The following RBFOX1 variants were observed in gnomAD, a reference collection of about 807,000 sequenced individuals.
RBFOX1 encodes RNA binding protein fox-1 homolog 1.
In RBFOX1, 8 loss-of-function variants were observed where a neutral mutation model predicts 57.7. That is an observed-to-expected ratio of 0.14 (90% CI 0.08 to 0.25). The LOEUF is 0.25. Ranked by LOEUF, RBFOX1 falls within the 10% of genes least tolerant of loss-of-function variation. The pLI is 1.00. For missense variants in RBFOX1, 611 were observed against 548.5 expected, an observed-to-expected ratio of 1.11 and a Z score of -1.14; for synonymous variants, 326 against 222.4, an observed-to-expected ratio of 1.47 and a Z score of -4.15.
chr16:7,293,727 C>T (rs139915254), intron 4 of RBFOX1, among the ~76,000 whole-genome samples: 3 of 152,230 alleles, frequency 2.0e-5, no homozygotes, highest in East Asian at 1.9e-4. Flanking sequence ...ACCCAATACC[C>T]GATACATCCC....
At chr16:7,549,607 G>T (rs1032680489) in intron 5 of RBFOX1, among the ~76,000 whole-genome samples, 1 of 152,170 alleles carries the variant, frequency 6.6e-6, no homozygotes, top group Non-Finnish European at 1.5e-5. Flanking sequence ...GTGGTTGAAG[G>T]TCCAAGAGTC....
chr16:6,085,787 C>T (rs1384284035), intron 1 of RBFOX1, among the ~76,000 whole-genome samples: 2 of 152,216 alleles, frequency 1.3e-5, no homozygotes, highest in African/African-American at 2.4e-5. Flanking sequence ...TTTTTCCGAA[C>T]TCCATCTTAT....
intron 1 of RBFOX1, among the ~76,000 whole-genome samples, chr16:5,400,631 A>T (rs776534876): frequency 1.1e-4 from 16 of 152,012 alleles, no homozygotes; most frequent in African/African-American, 3.1e-4. Flanking sequence ...TGCCTGGGCC[A>T]TAGTTTAATT....
chr16:7,061,866 G>A (rs966222678), intron 4 of RBFOX1, among the ~76,000 whole-genome samples: 2 of 152,120 alleles, frequency 1.3e-5, no homozygotes, highest in Admixed American at 6.5e-5. Context: ...AAAAAAATAC[G>A]TGATAGGCAA....
At chr16:5,497,948 G>A (rs2043057810) in intron 2 of RBFOX1, among the ~76,000 whole-genome samples, 1 of 152,106 alleles carries the variant, frequency 6.6e-6, no homozygotes, top group Non-Finnish European at 1.5e-5. Flanking sequence ...GCCATGGAGA[G>A]ATGGGGGAAA....
intron 4 of RBFOX1, among the ~76,000 whole-genome samples, chr16:7,506,823 A>G (rs1327341138): frequency 6.6e-6 from 1 of 151,996 alleles, no homozygotes; most frequent in Non-Finnish European, 1.5e-5. Context: ...AGGTACCATA[A>G]TGAGTTTAGT....
intron 1 of RBFOX1, among the ~76,000 whole-genome samples, chr16:6,067,172 A>T (rs1162413400): frequency 6.6e-6 from 1 of 152,208 alleles, no homozygotes; most frequent in African/African-American, 2.4e-5. Context: ...CTGTAAGAAG[A>T]CATTAAAAAT....
chr16:6,532,819 T>C (rs553964333), intron 2 of RBFOX1, among the ~76,000 whole-genome samples: 1 of 152,246 alleles, frequency 6.6e-6, no homozygotes, highest in South Asian at 2.1e-4. Context: ...CATGTACACA[T>C]TGTGGAATGT....
intron 3 of RBFOX1, among the ~76,000 whole-genome samples, chr16:6,912,623 TA>T (rs1324547849): frequency 3.0e-5 from 2 of 66,122 alleles, no homozygotes; most frequent in Non-Finnish European, 6.2e-5. Flanking sequence ...GTGTTATTAC[TA>T]TTTTTTTTTT....
At chr16:6,086,469 C>A (rs2096085872) in intron 1 of RBFOX1, among the ~76,000 whole-genome samples, 1 of 151,036 alleles carries the variant, frequency 6.6e-6, no homozygotes, top group African/African-American at 2.4e-5. Context: ...CTGAGAGTTC[C>A]TGTGACAACA....
At chr16:7,692,391 C>T (rs2077538559) in intron 14 of RBFOX1, among the ~76,000 whole-genome samples, 1 of 151,994 alleles carries the variant, frequency 6.6e-6, no homozygotes, top group African/African-American at 2.4e-5. Flanking sequence ...AGAAATGCTC[C>T]ATCACTAGAT....
chr16:7,116,172 C>G (rs530517697), intron 4 of RBFOX1, among the ~76,000 whole-genome samples: 1 of 152,260 alleles, frequency 6.6e-6, no homozygotes, highest in African/African-American at 2.4e-5. Context: ...CTGCATTTTT[C>G]TCCCGTTCAC....
chr16:7,442,102 C>A (rs1468465926), intron 4 of RBFOX1, among the ~76,000 whole-genome samples: 5 of 152,156 alleles, frequency 3.3e-5, no homozygotes. Context: ...TGTTGCTCAG[C>A]CTCCAGGTGC....
At chr16:5,367,433 A>G (rs938734387) in intron 1 of RBFOX1, among the ~76,000 whole-genome samples, 1 of 152,184 alleles carries the variant, frequency 6.6e-6, no homozygotes, top group Admixed American at 6.5e-5. Context: ...TGTCTCTCCA[A>G]GCTGCAGGTG....
intron 1 of RBFOX1, among the ~76,000 whole-genome samples, chr16:6,210,565 A>T (rs1303815203): frequency 6.6e-6 from 1 of 151,818 alleles, no homozygotes; most frequent in Non-Finnish European, 1.5e-5. Flanking sequence ...CCCTGTCTCT[A>T]CAAAAAATTA....
intron 1 of RBFOX1, among the ~76,000 whole-genome samples, chr16:6,021,465 A>C (rs918410949): frequency 2.0e-5 from 3 of 152,202 alleles, no homozygotes; most frequent in Non-Finnish European, 2.9e-5. Context: ...TATGTTCAGA[A>C]GCAAAGGACC....
intron 1 of RBFOX1, among the ~76,000 whole-genome samples, chr16:6,231,211 T>G (rs1377020459): frequency 9.6e-6 from 1 of 103,698 alleles, no homozygotes; most frequent in Non-Finnish European, 2.1e-5. Context: ...TGTGTGTGTA[T>G]GTGTTTGTGT....
chr16:7,474,991 G>A (rs1339048714), intron 4 of RBFOX1, among the ~76,000 whole-genome samples: 1 of 152,154 alleles, frequency 6.6e-6, no homozygotes, highest in African/African-American at 2.4e-5. Context: ...GAATGTCCCA[G>A]GATGGTACTC....
intron 4 of RBFOX1, among the ~76,000 whole-genome samples, chr16:7,326,893 C>T (rs774130786): frequency 2.6e-5 from 4 of 152,132 alleles, no homozygotes; most frequent in East Asian, 3.9e-4. Flanking sequence ...ACCTTCCTCA[C>T]ACTTTTTCAG....
Sources: allele counts gnomAD v4.1 joint callset (sites outside exome capture counted in the v4.1 genomes callset), GRCh38; gene constraint gnomAD v4.1.1; transcripts MANE v1.5; gene names NCBI Gene and HGNC (gene_info 2026-07-23, HGNC 2026-07-21).